Variants in ARSJ observed in about 807,000 individuals in gnomAD.
The protein encoded by ARSJ is arylsulfatase family member J, also known as arylsulfatase J.
In ARSJ, 26 loss-of-function variants were observed where a neutral mutation model predicts 35.9. The ratio of observed to expected loss-of-function variants is 0.72; its 90% CI spans 0.53 to 1.00. The LOEUF (loss-of-function observed/expected upper bound fraction) is 1.00, where lower values mean the gene tolerates loss of function less well. Ranked by LOEUF, ARSJ falls within the 50% of genes least tolerant of loss-of-function variation. The probability of loss-of-function intolerance (pLI) is 0.00; values close to 1 mark genes in which losing one functional copy is unlikely to be tolerated. For missense variants in ARSJ, 667 were observed against 723.6 expected (o/e 0.92, Z 0.90); for synonymous variants, 294 against 267.6 (o/e 1.10, Z -0.96).
intron 1 of ARSJ, among the ~76,000 whole-genome samples, chr4:113,957,892 C>T (rs1726286495): frequency 6.6e-6 from 1 of 152,020 alleles, no homozygotes; most frequent in South Asian, 2.1e-4. Flanking sequence ...CTTCTGAGAC[C>T]ATCTTGTCTG....
At chr4:113,978,087 T>A (rs537406912) in intron 1 of ARSJ, among the ~76,000 whole-genome samples, 52 of 152,316 alleles carry the variant, frequency 3.4e-4, no homozygotes, top group African/African-American at 9.4e-4. Flanking sequence ...AATTCTAGTA[T>A]GACATCTGAA....
intron 1 of ARSJ, among the ~76,000 whole-genome samples, chr4:113,975,346 T>C (rs1279721151): frequency 6.6e-6 from 1 of 152,186 alleles, no homozygotes; most frequent in African/African-American, 2.4e-5. Context: ...ATTCAGATTG[T>C]CAACCTTTCC....
intron 1 of ARSJ, among the ~76,000 whole-genome samples, chr4:113,930,067 C>T (rs1724332002): frequency 6.6e-6 from 1 of 152,112 alleles, no homozygotes; most frequent in Non-Finnish European, 1.5e-5. Context: ...ACCCCAAAAC[C>T]AGTGAAAGAA....
chr4:113,944,620 T>C (rs1355516882), intron 1 of ARSJ, among the ~76,000 whole-genome samples: 1 of 152,060 alleles, frequency 6.6e-6, no homozygotes. Flanking sequence ...TTCTAGCAGC[T>C]CTCAGGGGAT....
chr4:113,923,101 TTCTC>T (rs1723787177), intron 1 of ARSJ, among the ~76,000 whole-genome samples: 1 of 152,166 alleles, frequency 6.6e-6, no homozygotes. Flanking sequence ...ATTGGGGTCT[TTCTC>T]CTCTGGGTCT....
intron 1 of ARSJ, among the ~76,000 whole-genome samples, chr4:113,949,861 C>G (rs887083372): frequency 6.6e-6 from 1 of 151,996 alleles, no homozygotes; most frequent in African/African-American, 2.4e-5. Context: ...TTGTTAGATC[C>G]TTATGTCTTG....
intron 1 of ARSJ, among the ~76,000 whole-genome samples, chr4:113,927,219 C>T (rs1279900087): frequency 6.6e-6 from 1 of 152,134 alleles, no homozygotes; most frequent in Non-Finnish European, 1.5e-5. Flanking sequence ...TTATCCTTCA[C>T]CTTAGAAGGA....
intron 1 of ARSJ, among the ~76,000 whole-genome samples, chr4:113,916,613 G>A (rs6829301): frequency 0.71 from 107,367 of 151,872 alleles, 38,772 homozygotes; most frequent in East Asian, 0.81. Flanking sequence ...GGTGAAATCA[G>A]AACGAAACCA....
intron 1 of ARSJ, among the ~76,000 whole-genome samples, chr4:113,936,085 G>T (rs1056182266): frequency 6.6e-6 from 1 of 151,896 alleles, no homozygotes; most frequent in African/African-American, 2.4e-5. Flanking sequence ...TGCCCACTAG[G>T]ATGTCAGGCT....
At chr4:113,915,411 C>G (rs1259708705) in intron 1 of ARSJ, among the ~76,000 whole-genome samples, 2 of 152,214 alleles carry the variant, frequency 1.3e-5, no homozygotes, top group Non-Finnish European at 1.5e-5. Context: ...TAAAGCTACT[C>G]TCATTTAGAG....
intron 1 of ARSJ, among the ~76,000 whole-genome samples, chr4:113,964,637 G>T (rs1386343496): frequency 6.6e-6 from 1 of 152,038 alleles, no homozygotes; most frequent in East Asian, 1.9e-4. Flanking sequence ...CATATAGCAG[G>T]TGTTAAACAG....
chr4:113,931,183 A>G (rs1274189828), intron 1 of ARSJ, among the ~76,000 whole-genome samples: 2 of 145,800 alleles, frequency 1.4e-5, no homozygotes. Context: ...AATTTAAAAA[A>G]AAATAGAAAA....
chr4:113,976,303 T>G (rs1422547275), intron 1 of ARSJ, among the ~76,000 whole-genome samples: 1 of 151,044 alleles, frequency 6.6e-6, no homozygotes, highest in Non-Finnish European at 1.5e-5. Context: ...TTCATTTCAG[T>G]TTTTTTTTAT....
chr4:113,918,938 G>A (rs772450356), intron 1 of ARSJ, among the ~76,000 whole-genome samples: 6 of 151,942 alleles, frequency 3.9e-5, no homozygotes, highest in South Asian at 4.2e-4. Context: ...TACTAAGCGC[G>A]CATGTCGCCA....
intron 1 of ARSJ, among the ~76,000 whole-genome samples, chr4:113,939,405 T>C (rs1389386247): frequency 6.6e-6 from 1 of 151,918 alleles, no homozygotes; most frequent in Non-Finnish European, 1.5e-5. Flanking sequence ...GCATGATTTA[T>C]AGTCCTTTGG....
Position 113,978,588 on chromosome 4 carries a change from C to T in ARSJ, c.247G>A (p.Ala83Thr). 1 of 1,614,188 alleles carries T rather than the reference C, an allele frequency of 6.2e-7. No individual in the cohort carries two copies. Among genetic ancestry groups the T allele is most frequent in the Non-Finnish European group, 8.5e-7 (1 of 1,180,026 alleles). ...ACATCTCTAAATCCCTGATCATCCGCTAGGATGAAAATGAGATGGGGCTGG... is the reference window on the plus strand; with the variant it reads ...ACATCTCTAAATCCCTGATCATCCGTTAGGATGAAAATGAGATGGGGCTGG... ...TSQPHLIFIL[A>T]DDQGFRDVGY... is the part of the protein sequence containing the mutation. The change falls in exon 1 of 2, where the codon GCG becomes ACG. Residue 83 changes from alanine to threonine, a missense_variant. Physicochemically the swap from Ala to Thr is moderately conservative, Grantham distance 58 (BLOSUM62 0). Coordinates refer to ENST00000315366, the MANE Select transcript of ARSJ (RefSeq NM_024590.4).
chr4:113,935,391 T>C (rs140312070), intron 1 of ARSJ, among the ~76,000 whole-genome samples: 45 of 152,020 alleles, frequency 3.0e-4, no homozygotes, highest in Non-Finnish European at 6.3e-4. Context: ...ACAGTTTTTG[T>C]TGCCATGAGG....
Position 113,978,928 on chromosome 4 carries a change from C to G in ARSJ, c.-94G>C. On this transcript the variant is annotated 5_prime_UTR_variant, in exon 1 of 2. Transcript: ENST00000315366. ...GCACCCAACAGACGGTGAAGACTCT[C>G]CACCTGGCAAGAAATCCTCCTCTCC... The G allele has an allele frequency of 1.5e-6, 2 of 1,335,420 alleles. No individual in the cohort carries two copies. Among genetic ancestry groups the G allele is most frequent in the Non-Finnish European group, 2.0e-6 (2 of 981,716 alleles). The allele number at this position is 1,335,420 out of a possible 1,614,324, so 82.7% of individuals were successfully genotyped here.
At chr4:113,945,320 A>G (rs1725407508) in intron 1 of ARSJ, among the ~76,000 whole-genome samples, 1 of 151,924 alleles carries the variant, frequency 6.6e-6, no homozygotes. Context: ...ATTTTTTTGT[A>G]GCAATGGGGG....
Sources: gnomAD v4.1 joint callset for allele counts (sites outside exome capture counted in the v4.1 genomes callset) on GRCh38, gnomAD v4.1.1 for gene constraint, MANE v1.5 for transcripts, NCBI Gene and HGNC (gene_info 2026-07-23, HGNC 2026-07-21) for gene names.